Variants in ZNF726 observed in about 807,000 individuals in gnomAD.
The protein encoded by ZNF726 is zinc finger protein 726, also known as zinc finger protein 92 pseudogene 3.
Under a neutral mutation model 11.6 loss-of-function variants are expected in ZNF726, and 15 were observed. The observed-to-expected ratio is 1.29, with a 90% CI of 0.86 to 1.99. The LOEUF is 1.99. Among genes scored for constraint, ZNF726 ranks in the 30% most tolerant of loss-of-function variants. The pLI is 0.00. For missense variants in ZNF726, 890 were observed against 725.6 expected (o/e 1.23, Z -2.60); for synonymous variants, 295 against 243.6 (o/e 1.21, Z -1.96).
chr19:23,938,169 A>G (rs941092821), downstream of ZNF726, among the ~76,000 whole-genome samples: 4 of 152,150 alleles, frequency 2.6e-5, no homozygotes, highest in African/African-American at 4.8e-5. Flanking sequence ...TGTTGTTCCT[A>G]TAGGTTAAAT....
At position 23,932,478 on chromosome 19, in the gene ZNF726, A is replaced by G. The variant is rs753706258; in HGVS notation, c.362A>G (p.Asp121Gly). Reference sequence around the variant, plus strand: ...TTAAGAAAAGGTTGTAAAAGTGTGGATGAGTGTAAGGTACACAAAGAAGGT... The same window carrying G: ...TTAAGAAAAGGTTGTAAAAGTGTGGGTGAGTGTAAGGTACACAAAGAAGGT... ...LQLRKGCKSV[D>G]ECKVHKEGYN... The change falls in exon 4 of 4, where the codon GAT becomes GGT. Residue 121 changes from aspartate to glycine, a missense_variant. Physicochemically the swap from Asp to Gly is moderately conservative, Grantham distance 94. Transcript: ENST00000594466. 6.9e-6 allele frequency: 11 copies of G among 1,587,206 alleles called. No individual in the cohort carries two copies. In the South Asian group the frequency reaches 1.2e-4, roughly 17 times the overall value.
intron 1 of ZNF726, among the ~76,000 whole-genome samples, chr19:23,916,868 A>C (rs916215520): frequency 3.3e-5 from 5 of 152,068 alleles, no homozygotes; most frequent in Non-Finnish European, 7.4e-5. Context: ...TAGACAATCA[A>C]CTAATTGAAT....
At chr19:23,921,286 A>ACTCC (rs1555732232) in intron 3 of ZNF726, 2 of 151,334 alleles carry the variant, frequency 1.3e-5, no homozygotes, top group Non-Finnish European at 2.9e-5. Flanking sequence ...GCAGAGCAAG[A>ACTCC]CTCTCTCTCG....
intron 3 of ZNF726, among the ~76,000 whole-genome samples, chr19:23,941,887 G>A (rs1445910175): frequency 6.6e-6 from 1 of 151,918 alleles, no homozygotes; most frequent in Non-Finnish European, 1.5e-5. Flanking sequence ...TCTTGCTAAT[G>A]GCCTATCAAT....
chr19:23,924,220 T>A (rs1465724691), intron 3 of ZNF726, among the ~76,000 whole-genome samples: 1 of 150,584 alleles, frequency 6.6e-6, no homozygotes, highest in African/African-American at 2.4e-5. Context: ...ATTTTGTATT[T>A]TTTTTTTTTT....
Position 23,933,419 on chromosome 19 carries a change from A to G in ZNF726, c.1303A>G (p.Ile435Val). 1 of 1,612,748 alleles carries G rather than the reference A, an allele frequency of 6.2e-7. No individual in the cohort carries two copies. Among genetic ancestry groups the G allele is most frequent in the East Asian group, 2.2e-5 (1 of 44,826 alleles). The change falls in exon 4 of 4, where the codon ATA (isoleucine) becomes GTA (valine). Residue 435 changes from isoleucine (I) to valine (V), a missense_variant. By Grantham distance (29) the Ile-to-Val change is conservative. Transcript: ENST00000594466. Reference protein sequence around the residue: ...YKCEECGKAFIWSSNLTEHKK... With the variant: ...YKCEECGKAFVWSSNLTEHKK... ...GTGTGAAGAATGCGGCAAAGCGTTTATATGGTCCTCAAACCTTACTGAACA... is the reference window on the plus strand; with the variant it reads ...GTGTGAAGAATGCGGCAAAGCGTTTGTATGGTCCTCAAACCTTACTGAACA...
At chr19:23,922,097 G>C (rs1288006947) in intron 3 of ZNF726, among the ~76,000 whole-genome samples, 1 of 152,124 alleles carries the variant, frequency 6.6e-6, no homozygotes, top group Non-Finnish European at 1.5e-5. Context: ...AAGTCTGCTG[G>C]GTTTGCACAA....
intron 3 of ZNF726, among the ~76,000 whole-genome samples, chr19:23,925,772 A>G (rs542807978): frequency 1.4e-5 from 2 of 145,276 alleles, no homozygotes; most frequent in East Asian, 2.0e-4. Flanking sequence ...GCTGAAGTGC[A>G]ATGGTGAGAT....
intron 3 of ZNF726, chr19:23,928,697 C>T (rs932501788): frequency 4.6e-5 from 7 of 152,180 alleles, no homozygotes; most frequent in African/African-American, 1.7e-4. Flanking sequence ...GCCTATTTGA[C>T]TCAGTGCTAA....
chr19:23,923,629 A>C (rs1967910771), intron 3 of ZNF726: 1 of 174,274 alleles, frequency 5.7e-6, no homozygotes, highest in Non-Finnish European at 1.2e-5. Flanking sequence ...CGATCTCCTG[A>C]TCTCGTGATC....
intron 1 of ZNF726, 65 bp downstream of exon 1, chr19:23,915,062 G>A: frequency 6.2e-7 from 1 of 1,611,970 alleles, no homozygotes. Context: ...GTGGGAAGCG[G>A]CAGTGGCGGG....
At position 23,933,134 on chromosome 19, in the gene ZNF726, C is replaced by T; in HGVS notation, c.1018C>T (p.Pro340Ser). 1 of 1,611,750 alleles carries T rather than the reference C, an allele frequency of 6.2e-7. No individual in the cohort carries two copies. The highest frequency in any genetic ancestry group is 8.5e-7 in the Non-Finnish European group (1 of 1,179,882). The change falls in exon 4 of 4, where the codon CCC (proline) becomes TCC (serine). Residue 340 changes from proline to serine, a missense_variant. Pro to Ser is a moderately conservative substitution (Grantham distance 74, BLOSUM62 -1). Coordinates refer to ENST00000594466, the MANE Select transcript of ZNF726 (RefSeq NM_001244038.2). Reference sequence around the variant, plus strand: ...TAAGAGGCTGCACAGTGGAGAGAAACCCTACAAATGTGAAGAATGTGCCAA... The same window carrying T: ...TAAGAGGCTGCACAGTGGAGAGAAATCCTACAAATGTGAAGAATGTGCCAA... ...RHKRLHSGEK[P>S]YKCEECAKAF...
Position 23,933,950 on chromosome 19 carries a change from A to G in ZNF726, c.1834A>G (p.Lys612Glu). The change falls in exon 4 of 4, where the codon AAG becomes GAG. Residue 612 changes from lysine to glutamate, a missense_variant. Physicochemically the swap from Lys to Glu is moderately conservative, Grantham distance 56. Transcript: ENST00000594466. Reference sequence around the variant, plus strand: ...CTGGTCCTCAACCCTTTTTAAGCATAAGAGGATTCATACTTGAGAGAAACC... The same window carrying G: ...CTGGTCCTCAACCCTTTTTAAGCATGAGAGGATTCATACTTGAGAGAAACC... ...FIWSSTLFKH[K>E]RIHT The G allele has an allele frequency of 6.3e-7, 1 of 1,579,112 alleles. No homozygotes were observed. The highest frequency in any genetic ancestry group is 8.6e-7 in the Non-Finnish European group (1 of 1,162,092).
chr19:23,934,435 T>G lies in ZNF726; in HGVS notation c.*468T>G. The stretch of plus-strand genomic sequence containing the variant: ...CCTTTAAGCAGTCTTCAATCCTGAG[T>G]AACCATAAGATAATTCAAACTGGAA... On this transcript the variant is annotated 3_prime_UTR_variant, in exon 4 of 4. Transcript: ENST00000594466. 1 of 442,332 alleles carries G rather than the reference T, an allele frequency of 2.3e-6. No homozygotes were observed. Among genetic ancestry groups the G allele is most frequent in the South Asian group, 1.7e-5 (1 of 57,418 alleles). The allele number at this position is 442,332 out of a possible 1,614,324, so 27.4% of individuals were successfully genotyped here. A position where few individuals can be genotyped will look rare whatever the true frequency, so the allele number is the denominator to read the frequency against.
intron 3 of ZNF726, chr19:23,920,623 T>G: frequency 6.5e-6 from 1 of 153,492 alleles, no homozygotes; most frequent in East Asian, 1.9e-4. Context: ...TTCATCATGT[T>G]GGCCAGGCTG....
chr19:23,924,058 CTTT>C (rs1344490441), intron 3 of ZNF726, among the ~76,000 whole-genome samples: 3 of 109,260 alleles, frequency 2.7e-5, no homozygotes, highest in Admixed American at 1.8e-4. Flanking sequence ...TTTTTTTTTT[CTTT>C]GAGAGGAAGT....
intron 3 of ZNF726, among the ~76,000 whole-genome samples, chr19:23,931,658 T>C (rs1968108586): frequency 1.3e-5 from 2 of 152,218 alleles, no homozygotes; most frequent in Non-Finnish European, 2.9e-5. Context: ...AAAACAATTG[T>C]CTTGGCTCAT....
intron 3 of ZNF726, among the ~76,000 whole-genome samples, chr19:23,939,861 G>GTTTTTTTTTTTTTTTTT (rs1405429449): frequency 2.5e-5 from 2 of 80,144 alleles, no homozygotes; most frequent in African/African-American, 9.9e-5. Flanking sequence ...TTTTTGATGG[G>GTTTTTTTTTTTTTTTTT]ATTTTTTTTT....
intron 3 of ZNF726, 89 bp from the exon 4 acceptor site, chr19:23,932,254 T>C: frequency 9.6e-7 from 1 of 1,042,330 alleles, no homozygotes; most frequent in Non-Finnish European, 1.2e-6. Flanking sequence ...ATCTTGTTTT[T>C]GTAGGTTGTA....
Sources: gnomAD v4.1 joint callset for allele counts (sites outside exome capture counted in the v4.1 genomes callset) on GRCh38, gnomAD v4.1.1 for gene constraint, MANE v1.5 for transcripts, NCBI Gene and HGNC (gene_info 2026-07-23, HGNC 2026-07-21) for gene names.